The following RIMBP2 variants were observed in gnomAD, a reference collection of about 807,000 sequenced individuals.
The protein encoded by RIMBP2 is RIMS-binding protein 2.
A neutral mutation model predicts 118.6 loss-of-function variants in RIMBP2; 48 were observed. The observed-to-expected ratio is 0.40, with a 90% CI of 0.32 to 0.51. RIMBP2 has a LOEUF of 0.51. Ranked by LOEUF, RIMBP2 falls within the 20% of genes least tolerant of loss-of-function variation. The pLI is 0.41. For missense variants in RIMBP2, 1,551 were observed against 1,768.3 expected (o/e 0.88, Z 2.20); for synonymous variants, 762 against 742.9 (o/e 1.03, Z -0.42).
Position 130,506,351 on chromosome 12 carries a change from T to A in RIMBP2, c.-4+297A>T, listed in dbSNP as rs199910181. Reference sequence around the variant, plus strand: ...CCTCTGGTCTTTAACGTAGGCAGACTCCATTTCCATTCAGGAGCGGTGTGC... The same window carrying A: ...CCTCTGGTCTTTAACGTAGGCAGACACCATTTCCATTCAGGAGCGGTGTGC... On this transcript the variant is annotated intron_variant, in intron 4 of 22. Coordinates refer to ENST00000690449, the MANE Select transcript of RIMBP2 (RefSeq NM_001393629.1). Among the ~76,000 whole-genome samples, 6 of 152,230 alleles carry A rather than the reference T, an allele frequency of 3.9e-5. No homozygotes were observed. In the East Asian group the frequency reaches 9.6e-4, roughly 24 times the overall value.
At chr12:130,456,846 T>C (rs964753158) in intron 6 of RIMBP2, 146 bp from the exon 7 acceptor site, 16 of 627,176 alleles carry the variant, frequency 2.6e-5, no homozygotes, top group African/African-American at 2.4e-4. Context: ...AATGCATGTG[T>C]GGTTGAGTGT....
At chr12:130,687,851 T>C (rs7134450) in intron 1 of RIMBP2, among the ~76,000 whole-genome samples, 10,141 of 152,280 alleles carry the variant, frequency 0.067, 1,133 homozygotes, top group African/African-American at 0.23. Flanking sequence ...GAGTGTGCTT[T>C]GGGCACGTGC....
At position 130,486,254 on chromosome 12, in the gene RIMBP2, C is replaced by A. The variant is rs144040329; in HGVS notation, c.-3-7238G>T. ...CCAAATCCCTCAGCAGCACCCGACA[C>A]CAGGGCTGCTCCTCCTGGACATGCC... is the stretch of plus-strand genomic sequence containing the variant. On this transcript the variant is annotated intron_variant, in intron 4 of 22. Transcript: ENST00000690449. Among the ~76,000 whole-genome samples, 709 of 152,256 alleles carry A rather than the reference C, an allele frequency of 4.7e-3. 8 individuals carry two copies. Among genetic ancestry groups the A allele is most frequent in the African/African-American group, 0.017 (687 of 41,546 alleles).
intron 1 of RIMBP2, among the ~76,000 whole-genome samples, chr12:130,630,140 G>A (rs180976878): frequency 4.6e-5 from 7 of 151,966 alleles, no homozygotes; most frequent in Admixed American, 4.6e-4. Flanking sequence ...GATGATAAAA[G>A]ATATGTCCCA....
At chr12:130,569,520 T>C (rs866331466) in intron 2 of RIMBP2, among the ~76,000 whole-genome samples, 4 of 152,218 alleles carry the variant, frequency 2.6e-5, no homozygotes, top group Admixed American at 6.5e-5. Flanking sequence ...ATGGTTTGGA[T>C]CTGCGTCCCC....
intron 22 of RIMBP2, chr12:130,399,151 A>C (rs1156619945): frequency 7.2e-7 from 1 of 1,397,408 alleles, no homozygotes; most frequent in Non-Finnish European, 9.4e-7. Flanking sequence ...TGTGAAATGA[A>C]CACTCTTCTT....
rs1432802035 is a variant in RIMBP2, at chr12:130,424,573, A to AG, written c.2697dup (p.Phe900LeufsTer27). The AG allele has an allele frequency of 7.3e-6, 9 of 1,231,784 alleles. No individual in the cohort carries two copies. The highest frequency in any genetic ancestry group is 9.1e-6 in the Non-Finnish European group (9 of 987,836). 76.3% of individuals were successfully genotyped at this position (1,231,784 alleles called of 1,614,324 possible). Reference sequence around the variant, plus strand: ...CGACAGCCCCTGTCTTCCAGAAGGAAGTCCTCCACGTGGGGGACGGCCCCC... The same window carrying AG: ...CGACAGCCCCTGTCTTCCAGAAGGAAGGTCCTCCACGTGGGGGACGGCCCCC... On this transcript the variant is annotated frameshift_variant, in exon 16 of 23. Coordinates refer to ENST00000690449, the MANE Select transcript of RIMBP2 (RefSeq NM_001393629.1). LOFTEE classifies it high-confidence loss of function. This position sits in a 1 kb window ranked among gnomAD's most constrained non-coding sequence, Gnocchi z 9.8.
intron 2 of RIMBP2, among the ~76,000 whole-genome samples, chr12:130,600,021 C>T (rs1301733369): frequency 1.3e-5 from 2 of 152,188 alleles, no homozygotes; most frequent in Admixed American, 6.5e-5. Flanking sequence ...TACCTACCTG[C>T]GACCTGGGAG....
chr12:130,712,719 G>A (rs933939406), intron 1 of RIMBP2, among the ~76,000 whole-genome samples: 4 of 152,048 alleles, frequency 2.6e-5, no homozygotes, highest in East Asian at 1.9e-4. Flanking sequence ...TATTATCATC[G>A]AGCATCATGT....
At chr12:130,665,577 G>C (rs1253384800) in intron 1 of RIMBP2, among the ~76,000 whole-genome samples, 1 of 151,600 alleles carries the variant, frequency 6.6e-6, no homozygotes, top group African/African-American at 2.4e-5. Flanking sequence ...ATCTAATTGT[G>C]AGGAAACATC....
At chr12:130,571,415 CA>C (rs1251123408) in intron 2 of RIMBP2, among the ~76,000 whole-genome samples, 2 of 101,872 alleles carry the variant, frequency 2.0e-5, no homozygotes, top group African/African-American at 7.8e-5. Context: ...CCCATAGTAA[CA>C]TTTTTTTTTT....
chr12:130,639,739 C>T (rs1173838721), intron 1 of RIMBP2, among the ~76,000 whole-genome samples: 4 of 152,004 alleles, frequency 2.6e-5, no homozygotes, highest in South Asian at 4.2e-4. Context: ...TCATGGGACC[C>T]GCACCCTAAC....
intron 6 of RIMBP2, among the ~76,000 whole-genome samples, chr12:130,461,810 C>T (rs1389733713): frequency 6.6e-6 from 1 of 152,152 alleles, no homozygotes; most frequent in Non-Finnish European, 1.5e-5. Flanking sequence ...CAAGGCCTCC[C>T]CAGAAGCCAG....
chr12:130,516,992 A>G (rs35166303), intron 3 of RIMBP2, among the ~76,000 whole-genome samples: 7,849 of 152,148 alleles, frequency 0.052, 271 homozygotes, highest in South Asian at 0.16. Flanking sequence ...TGCTGAGATG[A>G]GTGGTTGGTG....
chr12:130,413,008 T>A (rs2075837726), intron 18 of RIMBP2, among the ~76,000 whole-genome samples: 1 of 152,140 alleles, frequency 6.6e-6, no homozygotes, highest in Non-Finnish European at 1.5e-5. Context: ...CATCTAGTGT[T>A]TGGACAACCT....
chr12:130,631,829 CTTAAT>C (rs2140960370), intron 1 of RIMBP2, among the ~76,000 whole-genome samples: 1 of 152,282 alleles, frequency 6.6e-6, no homozygotes, highest in East Asian at 1.9e-4. Context: ...CCTTTATACA[CTTAAT>C]TTTTCAAATT....
intron 2 of RIMBP2, among the ~76,000 whole-genome samples, chr12:130,534,580 T>C (rs1032778369): frequency 2.0e-5 from 3 of 152,266 alleles, no homozygotes; most frequent in African/African-American, 7.2e-5. Flanking sequence ...AGAGTCCCCA[T>C]GGCTTTGTAT....
intron 2 of RIMBP2, among the ~76,000 whole-genome samples, chr12:130,533,372 T>A (rs1016100692): frequency 1.3e-5 from 2 of 152,120 alleles, no homozygotes; most frequent in African/African-American, 4.8e-5. Context: ...CTTACCCCAG[T>A]CAGAATGGCT....
At chr12:130,439,319 ATGTG>A (rs542741196) in intron 11 of RIMBP2, among the ~76,000 whole-genome samples, 253 of 142,202 alleles carry the variant, frequency 1.8e-3, no homozygotes, top group Non-Finnish European at 2.6e-3. Flanking sequence ...GTGTGTATAG[ATGTG>A]TGTAAGTGTA....
Sources: allele counts gnomAD v4.1 joint callset (sites outside exome capture counted in the v4.1 genomes callset), GRCh38; gene constraint gnomAD v4.1.1; non-coding constraint Gnocchi (gnomAD v3.1); transcripts MANE v1.5; gene names NCBI Gene and HGNC (gene_info 2026-07-23, HGNC 2026-07-21).